The following ERGIC1 variants were observed in gnomAD, a reference collection of about 807,000 sequenced individuals.
ERGIC1 encodes endoplasmic reticulum-Golgi intermediate compartment protein 1.
A neutral mutation model predicts 38.3 loss-of-function variants in ERGIC1; 19 were observed. That is an observed-to-expected ratio of 0.50 (90% confidence interval 0.35 to 0.73). The LOEUF is 0.73. ERGIC1 is among the 30% of genes least tolerant of loss of function. The pLI, the probability that ERGIC1 is intolerant of heterozygous loss-of-function variation, is 0.01. For missense variants in ERGIC1, 294 were observed against 389.2 expected (o/e 0.76, Z 2.06); for synonymous variants, 124 against 157.6 (o/e 0.79, Z 1.60).
chr5:172,872,299 A>G (rs1041571382), intron 1 of ERGIC1, among the ~76,000 whole-genome samples: 6 of 152,190 alleles, frequency 3.9e-5, no homozygotes, highest in African/African-American at 9.7e-5. Context: ...TTTTCTGTAA[A>G]AATGGGGATG....
chr5:172,945,916 T>C (rs1394061303), intron 9 of ERGIC1, among the ~76,000 whole-genome samples: 1 of 152,204 alleles, frequency 6.6e-6, no homozygotes, highest in African/African-American at 2.4e-5. Context: ...TCTCCTGAGT[T>C]CACGTGATCC....
At chr5:172,835,682 C>A (rs530378039) in intron 1 of ERGIC1, among the ~76,000 whole-genome samples, 62 of 152,330 alleles carry the variant, frequency 4.1e-4, no homozygotes, top group African/African-American at 1.5e-3. Flanking sequence ...GCCATGACCC[C>A]CATAGCATGG....
intron 2 of ERGIC1, among the ~76,000 whole-genome samples, chr5:172,891,526 C>T (rs1446655265): frequency 6.6e-6 from 1 of 151,334 alleles, no homozygotes; most frequent in African/African-American, 2.4e-5. Flanking sequence ...GCAACTTCTG[C>T]CTCCCGGGTT....
intron 1 of ERGIC1, among the ~76,000 whole-genome samples, chr5:172,870,625 A>T (rs1761979491): frequency 6.6e-6 from 1 of 152,178 alleles, no homozygotes; most frequent in African/African-American, 2.4e-5. Flanking sequence ...TTATTTTCTC[A>T]TGTGGGCTTT....
chr5:172,869,776 C>T (rs893883585), intron 1 of ERGIC1, among the ~76,000 whole-genome samples: 3 of 152,184 alleles, frequency 2.0e-5, no homozygotes, highest in Non-Finnish European at 2.9e-5. Flanking sequence ...AGATGGGACA[C>T]CCGTTCTTCC....
intron 5 of ERGIC1, 38 bp downstream of exon 5, chr5:172,914,876 C>T (rs200916806): frequency 9.7e-5 from 157 of 1,613,376 alleles, no homozygotes; most frequent in Non-Finnish European, 1.3e-4. Flanking sequence ...TACCTGCTCC[C>T]CTTTCCTGCT....
At chr5:172,942,169 G>A (rs1431624264) in intron 9 of ERGIC1, among the ~76,000 whole-genome samples, 2 of 152,124 alleles carry the variant, frequency 1.3e-5, no homozygotes, top group Admixed American at 6.5e-5. Flanking sequence ...ACTCTAGCCT[G>A]GGCGACAGAG....
intron 9 of ERGIC1, among the ~76,000 whole-genome samples, chr5:172,949,935 C>T (rs532114920): frequency 7.2e-5 from 11 of 152,194 alleles, no homozygotes; most frequent in East Asian, 1.9e-4. Context: ...TAGCCAGGCG[C>T]GGTGGCAGGC....
At chr5:172,923,700 GA>G (rs1175562420) in intron 5 of ERGIC1, among the ~76,000 whole-genome samples, 1 of 152,230 alleles carries the variant, frequency 6.6e-6, no homozygotes, top group East Asian at 1.9e-4. Flanking sequence ...GCTGGAGGGG[GA>G]GCAGCTGCCA....
At chr5:172,851,777 G>A (rs1268850346) in intron 1 of ERGIC1, among the ~76,000 whole-genome samples, 2 of 152,146 alleles carry the variant, frequency 1.3e-5, no homozygotes, top group Non-Finnish European at 1.5e-5. Context: ...GGCTTTTAGA[G>A]TCTGGATGCC....
intron 1 of ERGIC1, among the ~76,000 whole-genome samples, chr5:172,848,616 C>T (rs957196412): frequency 2.6e-5 from 4 of 152,120 alleles, no homozygotes; most frequent in African/African-American, 7.2e-5. Context: ...TCTGAGTCCT[C>T]GAGAGCAGGG....
intron 3 of ERGIC1, chr5:172,905,450 A>G (rs992980094): frequency 2.1e-6 from 1 of 467,992 alleles, no homozygotes; most frequent in African/African-American, 2.0e-5. Context: ...CACGGATTCC[A>G]AGGAATGGAA....
intron 5 of ERGIC1, among the ~76,000 whole-genome samples, chr5:172,919,480 G>A (rs547772117): frequency 5.3e-5 from 8 of 152,286 alleles, no homozygotes; most frequent in African/African-American, 1.7e-4. Context: ...GCCCAAGACT[G>A]CAGTCTGCTC....
At position 172,910,520 on chromosome 5, in the gene ERGIC1, C is replaced by CTTTTTT. The variant is rs58360974; in HGVS notation, c.250+775_250+780dup. ...TTTTAACCAAAAGAATGAATTACTTCTTTTTTTTTTTTTTTTTTTTTGAGA... is the reference window on the plus strand; with the variant it reads ...TTTTAACCAAAAGAATGAATTACTTCTTTTTTTTTTTTTTTTTTTTTTTTTTTGAGA... On this transcript the variant is annotated intron_variant, in intron 4 of 9. Transcript: ENST00000393784. Among the ~76,000 whole-genome samples, 134 of 138,996 alleles carry CTTTTTT rather than the reference C, an allele frequency of 9.6e-4. 1 individual carries two copies. Among genetic ancestry groups the CTTTTTT allele is most frequent in the Middle Eastern group, 3.8e-3 (1 of 266 alleles). 91.2% of individuals were successfully genotyped at this position (138,996 alleles called of 152,430 possible).
At chr5:172,892,257 G>C (rs1762586840) in intron 2 of ERGIC1, among the ~76,000 whole-genome samples, 1 of 152,068 alleles carries the variant, frequency 6.6e-6, no homozygotes, top group Non-Finnish European at 1.5e-5. Context: ...CCAGGTCCTT[G>C]GGCCAGGCGC....
chr5:172,836,390 C>G (rs1761037647), intron 1 of ERGIC1, among the ~76,000 whole-genome samples: 1 of 152,212 alleles, frequency 6.6e-6, no homozygotes. Flanking sequence ...CCTTGGCATA[C>G]TTCAGGTCCC....
At chr5:172,946,510 C>T (rs1168087451) in intron 9 of ERGIC1, among the ~76,000 whole-genome samples, 1 of 152,192 alleles carries the variant, frequency 6.6e-6, no homozygotes, top group Non-Finnish European at 1.5e-5. Flanking sequence ...ATCTTGCTGC[C>T]GCCCATGTAG....
At chr5:172,873,748 G>A (rs1762075312) in intron 1 of ERGIC1, among the ~76,000 whole-genome samples, 1 of 152,208 alleles carries the variant, frequency 6.6e-6, no homozygotes, top group Non-Finnish European at 1.5e-5. Flanking sequence ...CTCAGTTTCT[G>A]CATTTGTTGA....
Position 172,944,505 on chromosome 5 carries a change from C to T in ERGIC1, c.766-6204C>T, listed in dbSNP as rs1490824268. Among the ~76,000 whole-genome samples, 4 of 152,176 alleles carry T rather than the reference C, an allele frequency of 2.6e-5. No homozygotes were observed. The East Asian group carries it at 5.8e-4, about 22-fold the overall frequency. The stretch of plus-strand genomic sequence containing the variant: ...TCCTGAGTAGCTAGGATTACAGGCA[C>T]CTGCCACCACGCTCAGCTAATTTTT... On this transcript the variant is annotated intron_variant, in intron 9 of 9. Transcript: ENST00000393784.
Sources: allele counts gnomAD v4.1 joint callset (sites outside exome capture counted in the v4.1 genomes callset), GRCh38; gene constraint gnomAD v4.1.1; transcripts MANE v1.5; gene names NCBI Gene and HGNC (gene_info 2026-07-23, HGNC 2026-07-21).